GPC6: variants seen among roughly 807,000 people sequenced by gnomAD.
GPC6 encodes glypican-6.
A neutral mutation model predicts 55.2 loss-of-function variants in GPC6; 14 were observed. That is an observed-to-expected ratio of 0.25 (90% CI 0.17 to 0.40). The LOEUF is 0.40. GPC6 is among the 10% of genes least tolerant of loss of function. GPC6 has a pLI of 1.00. For synonymous variants in GPC6, 278 were observed against 259.6 expected (o/e 1.07, Z -0.68); for missense variants, 641 against 708.5 (o/e 0.90, Z 1.08).
At chr13:93,225,747 G>A (rs74337544), upstream of GPC6, among the ~76,000 whole-genome samples, 2 of 152,074 alleles carry the variant, frequency 1.3e-5, no homozygotes, top group African/African-American at 4.8e-5. Context: ...AGTCATTCTG[G>A]TCATTCATAT....
chr13:94,320,600 T>C (rs531769064), intron 6 of GPC6, among the ~76,000 whole-genome samples: 2 of 152,338 alleles, frequency 1.3e-5, no homozygotes, highest in South Asian at 4.1e-4. Flanking sequence ...CTCGTCACTT[T>C]AGGGAAGCCC....
intron 1 of GPC6, among the ~76,000 whole-genome samples, chr13:93,396,536 C>G (rs1292024015): frequency 6.6e-6 from 1 of 151,824 alleles, no homozygotes; most frequent in Non-Finnish European, 1.5e-5. Context: ...GCATGATACT[C>G]CAGCCCGGGC....
chr13:93,942,304 A>G (rs773910529), intron 3 of GPC6, among the ~76,000 whole-genome samples: 3 of 152,166 alleles, frequency 2.0e-5, no homozygotes, highest in Admixed American at 2.0e-4. Flanking sequence ...GCCTTGCCTC[A>G]GGACATCTCA....
At chr13:93,669,386 T>C (rs551487490) in intron 2 of GPC6, among the ~76,000 whole-genome samples, 1 of 152,256 alleles carries the variant, frequency 6.6e-6, no homozygotes, top group South Asian at 2.1e-4. Context: ...CTGGAAATAG[T>C]AGCAGCTTCC....
intron 4 of GPC6, among the ~76,000 whole-genome samples, chr13:94,059,231 A>G (rs1181204396): frequency 6.7e-6 from 1 of 149,452 alleles, no homozygotes; most frequent in Non-Finnish European, 1.5e-5. Context: ...TTTTTTTTTC[A>G]GTAATCAGAC....
intron 2 of GPC6, among the ~76,000 whole-genome samples, chr13:93,631,382 C>A (rs887975185): frequency 6.6e-6 from 1 of 152,178 alleles, no homozygotes; most frequent in Admixed American, 6.5e-5. Flanking sequence ...GCTGTCTCAG[C>A]AGTCTACATG....
chr13:94,257,863 A>G (rs1891550483), intron 4 of GPC6, among the ~76,000 whole-genome samples: 1 of 152,224 alleles, frequency 6.6e-6, no homozygotes, highest in Non-Finnish European at 1.5e-5. Flanking sequence ...CAAGAGACAG[A>G]CAACAAAGAG....
At chr13:93,354,186 G>A (rs1880743260) in intron 1 of GPC6, among the ~76,000 whole-genome samples, 1 of 152,056 alleles carries the variant, frequency 6.6e-6, no homozygotes, top group Non-Finnish European at 1.5e-5. Flanking sequence ...GTAACATTTG[G>A]TTATGGCTAT....
chr13:93,578,732 T>C (rs563365194), intron 2 of GPC6, among the ~76,000 whole-genome samples: 1 of 152,032 alleles, frequency 6.6e-6, no homozygotes, highest in African/African-American at 2.4e-5. Context: ...AGTTTTCTGT[T>C]TGACTTTTTC....
intron 2 of GPC6, among the ~76,000 whole-genome samples, chr13:93,673,984 T>A (rs996463369): frequency 6.6e-6 from 1 of 151,914 alleles, no homozygotes; most frequent in Non-Finnish European, 1.5e-5. Flanking sequence ...AGGCGCAGTG[T>A]TTAAGGAGGG....
At chr13:94,136,281 A>G (rs1334659831) in intron 4 of GPC6, among the ~76,000 whole-genome samples, 1 of 151,526 alleles carries the variant, frequency 6.6e-6, no homozygotes, top group Non-Finnish European at 1.5e-5. Flanking sequence ...TACTGATTGG[A>G]AAATAGAGTC....
chr13:93,275,113 C>A (rs1349595604), intron 1 of GPC6, among the ~76,000 whole-genome samples: 1 of 152,312 alleles, frequency 6.6e-6, no homozygotes, highest in East Asian at 1.9e-4. Context: ...AAAGCCTCTT[C>A]TGATTATAGA....
intron 7 of GPC6, among the ~76,000 whole-genome samples, chr13:94,396,152 AGGGC>A (rs1331849069): frequency 1.3e-5 from 2 of 152,158 alleles, no homozygotes; most frequent in African/African-American, 2.4e-5. Context: ...GGCCAGCCCC[AGGGC>A]GCTTCACCTC....
chr13:93,944,365 A>G (rs993422157), intron 3 of GPC6, among the ~76,000 whole-genome samples: 3 of 151,714 alleles, frequency 2.0e-5, no homozygotes, highest in African/African-American at 7.3e-5. Flanking sequence ...CACCATGCCT[A>G]GCTAATTTTT....
intron 4 of GPC6, among the ~76,000 whole-genome samples, chr13:94,164,173 C>T (rs1169530595): frequency 2.0e-5 from 3 of 152,122 alleles, no homozygotes; most frequent in Non-Finnish European, 2.9e-5. Flanking sequence ...TTTGAATACT[C>T]GTTTTATATT....
intron 2 of GPC6, among the ~76,000 whole-genome samples, chr13:93,550,352 G>GT (rs1209449744): frequency 1.3e-5 from 2 of 152,076 alleles, no homozygotes; most frequent in Non-Finnish European, 2.9e-5. Context: ...TCCATATGAA[G>GT]TTTTTTGTTT....
intron 1 of GPC6, among the ~76,000 whole-genome samples, chr13:93,301,801 A>T (rs1389081868): frequency 3.3e-5 from 5 of 152,142 alleles, no homozygotes; most frequent in Non-Finnish European, 7.4e-5. Flanking sequence ...TGACTAGTGG[A>T]CGGTCTTCTT....
chr13:93,622,647 T>G (rs149918973), intron 2 of GPC6, among the ~76,000 whole-genome samples: 30 of 152,324 alleles, frequency 2.0e-4, no homozygotes, highest in African/African-American at 6.5e-4. Context: ...ATGTAATAAG[T>G]GTACATATTT....
chr13:93,446,902 A>G (rs1878025340), intron 1 of GPC6, among the ~76,000 whole-genome samples: 2 of 152,182 alleles, frequency 1.3e-5, no homozygotes, highest in Admixed American at 1.3e-4. Flanking sequence ...GAAAATAAAA[A>G]AAGAATTTTT....
Sources: gnomAD v4.1 joint callset for allele counts (sites outside exome capture counted in the v4.1 genomes callset) on GRCh38, gnomAD v4.1.1 for gene constraint, MANE v1.5 for transcripts, NCBI Gene and HGNC (gene_info 2026-07-23, HGNC 2026-07-21) for gene names.